The following TMEM38A variants were observed in gnomAD, a reference collection of about 807,000 sequenced individuals.
TMEM38A encodes the protein transmembrane protein 38A.
In TMEM38A, 17 loss-of-function variants were observed where a neutral mutation model predicts 28.6. The ratio of observed to expected loss-of-function variants is 0.60; its 90% confidence interval spans 0.41 to 0.89. The LOEUF (loss-of-function observed/expected upper bound fraction) is 0.89. Among genes scored for constraint, TMEM38A ranks in the 40% least tolerant of loss-of-function variants. The pLI is 0.00. For synonymous variants in TMEM38A, 169 were observed against 166.1 expected (o/e 1.02, Z -0.14); for missense variants, 328 against 393.1 (o/e 0.83, Z 1.40).
chr19:16,669,017 A>T (rs2086715362), intron 1 of TMEM38A, among the ~76,000 whole-genome samples: 1 of 151,460 alleles, frequency 6.6e-6, no homozygotes, highest in Non-Finnish European at 1.5e-5. Context: ...TTTAGTAGAG[A>T]TGGGGTTTCT....
chr19:16,685,409 G>C (rs766395744), intron 4 of TMEM38A, among the ~76,000 whole-genome samples: 1 of 152,030 alleles, frequency 6.6e-6, no homozygotes, highest in Non-Finnish European at 1.5e-5. Flanking sequence ...AAATCAGCAG[G>C]GGCAAAATGT....
In TMEM38A at chr19:16,661,476, T is replaced by G; in HGVS notation, c.124+135T>G. On this transcript the variant is annotated intron_variant, in intron 1 of 5. Coordinates refer to ENST00000187762, the MANE Select transcript of TMEM38A (RefSeq NM_024074.4). This position sits in a 1 kb window ranked among gnomAD's most constrained non-coding sequence, Gnocchi z 6.5. The stretch of plus-strand genomic sequence containing the variant: ...AGGTTCAAGGATTGCATCGTGGGAG[T>G]AGGCAGGCGCTAGAATCGTGGGGTT... 2 of 711,778 alleles carry G rather than the reference T, an allele frequency of 2.8e-6. No homozygotes were observed. Among genetic ancestry groups the G allele is most frequent in the South Asian group, 2.9e-5 (1 of 34,758 alleles). 44.1% of individuals were successfully genotyped at this position (711,778 alleles called of 1,614,324 possible). A position where few individuals can be genotyped will look rare whatever the true frequency, so the allele number is the denominator to read the frequency against.
At chr19:16,672,482 T>C (rs1311190290) in intron 1 of TMEM38A, among the ~76,000 whole-genome samples, 3 of 137,870 alleles carry the variant, frequency 2.2e-5, no homozygotes, top group African/African-American at 9.0e-5. Flanking sequence ...AGAGTCTTGC[T>C]CTGTGGCCCA....
chr19:16,684,513 G>C (rs374602409), intron 4 of TMEM38A, among the ~76,000 whole-genome samples: 2 of 151,842 alleles, frequency 1.3e-5, no homozygotes, highest in East Asian at 1.9e-4. Flanking sequence ...CAGACATCAG[G>C]AATAGAAGTC....
intron 4 of TMEM38A, among the ~76,000 whole-genome samples, chr19:16,684,652 C>T (rs768733295): frequency 1.1e-4 from 16 of 152,152 alleles, no homozygotes; most frequent in Admixed American, 3.3e-4. Context: ...GGGGGATCCC[C>T]AAGATCATCC....
At chr19:16,681,588 A>G (rs1212798392) in intron 3 of TMEM38A, among the ~76,000 whole-genome samples, 1 of 152,136 alleles carries the variant, frequency 6.6e-6, no homozygotes, top group Non-Finnish European at 1.5e-5. Context: ...CCCACCAGAT[A>G]TGGGTACCCA....
At position 16,684,491 on chromosome 19, in the gene TMEM38A, A is replaced by G. The variant is rs1181367708; in HGVS notation, c.555-1797A>G. On this transcript the variant is annotated intron_variant, in intron 4 of 5. Coordinates refer to ENST00000187762, the MANE Select transcript of TMEM38A (RefSeq NM_024074.4). The stretch of plus-strand genomic sequence containing the variant: ...CGAGACCTTGTCTCAAAAAAAAAAA[A>G]GCAATGAGAGACAGACATCAGGAAT... 2.0e-5 allele frequency among the ~76,000 whole-genome samples: 3 copies of G among 152,058 alleles called. No homozygotes were observed. In the East Asian group the frequency reaches 5.8e-4, roughly 29 times the overall value.
chr19:16,674,216 G>A (rs977204843), intron 1 of TMEM38A, among the ~76,000 whole-genome samples: 1 of 151,500 alleles, frequency 6.6e-6, no homozygotes, highest in Non-Finnish European at 1.5e-5. Context: ...GAAACCCCCT[G>A]TCTACTAAAA....
chr19:16,677,733 T>G (rs2086758365), intron 1 of TMEM38A, among the ~76,000 whole-genome samples: 1 of 152,080 alleles, frequency 6.6e-6, no homozygotes, highest in Admixed American at 6.6e-5. Context: ...ATTTTTAAAA[T>G]TTTTTGCAGA....
At chr19:16,680,657 C>G in intron 3 of TMEM38A, 76 bp downstream of exon 3, 1 of 1,483,466 alleles carries the variant, frequency 6.7e-7, no homozygotes, top group Middle Eastern at 2.2e-4. Flanking sequence ...GGCACCCCAG[C>G]TAGGAAAGCC....
chr19:16,679,071 C>T (rs2086766033), intron 1 of TMEM38A, among the ~76,000 whole-genome samples: 1 of 150,788 alleles, frequency 6.6e-6, no homozygotes. Flanking sequence ...ATCGCTTGAA[C>T]CTGGGAGGCA....
rs1226401003 is a variant in TMEM38A, at chr19:16,680,034, A to G, written c.175A>G (p.Met59Val). Residue 59 changes from methionine to valine, a missense_variant, in exon 2 of 6, where the codon ATG becomes GTG. By Grantham distance (21) the Met-to-Val change is conservative. Transcript: ENST00000187762. ...CCCCATCGCGTCCTGGCTGTGCGCCATGCTGCATTGCTTCGGGAGCTACAT... is the reference window on the plus strand; with the variant it reads ...CCCCATCGCGTCCTGGCTGTGCGCCGTGCTGCATTGCTTCGGGAGCTACAT... ...RHPIASWLCA[M>V]LHCFGSYILA... is the part of the protein sequence containing the mutation. 1.2e-6 allele frequency: 2 copies of G among 1,611,108 alleles called. No individual in the cohort carries two copies. Among genetic ancestry groups the G allele is most frequent in the Non-Finnish European group, 1.7e-6 (2 of 1,180,006 alleles).
Position 16,689,514 on chromosome 19 carries a change from G to T in TMEM38A, c.*1143G>T, listed in dbSNP as rs1487200199. On this transcript the variant is annotated 3_prime_UTR_variant, in exon 6 of 6. Transcript: ENST00000187762. ...AAGGCTTGTGATCTGTTCGTCTCAG[G>T]CTCCCCCTAAACCAAAGAAATGGAA... 6.6e-6 allele frequency: 1 copy of T among 152,136 alleles called. No homozygotes were observed. Among genetic ancestry groups the T allele is most frequent in the Non-Finnish European group, 1.5e-5 (1 of 68,046 alleles). The allele number at this position is 152,136 out of a possible 1,614,324, so 9.4% of individuals were successfully genotyped here.
At chr19:16,675,434 A>C (rs954344345) in intron 1 of TMEM38A, among the ~76,000 whole-genome samples, 1 of 151,108 alleles carries the variant, frequency 6.6e-6, no homozygotes. Flanking sequence ...AGATTTCACT[A>C]TGTTCCCAGG....
chr19:16,673,040 G>C (rs1407126490), intron 1 of TMEM38A, among the ~76,000 whole-genome samples: 2 of 151,714 alleles, frequency 1.3e-5, no homozygotes, highest in Non-Finnish European at 2.9e-5. Flanking sequence ...GAAAAACCCT[G>C]ATCAAGGTCT....
Position 16,680,010 on chromosome 19 carries a change from C to G in TMEM38A, c.151C>G (p.Pro51Ala). The G allele has an allele frequency of 1.2e-6, 2 of 1,609,066 alleles. No individual in the cohort carries two copies. The highest frequency in any genetic ancestry group is 1.7e-6 in the Non-Finnish European group (2 of 1,179,926). The change falls in exon 2 of 6, where the codon CCC (proline) becomes GCC (alanine). Residue 51 changes from proline (P) to alanine (A), a missense_variant. Coordinates refer to ENST00000187762, the MANE Select transcript of TMEM38A (RefSeq NM_024074.4). ...AGCAGTCGAACTGTCCCGGCGCCAC[C>G]CCATCGCGTCCTGGCTGTGCGCCAT... ...PGAVELSRRH[P>A]IASWLCAMLH...
chr19:16,677,729 A>T (rs1568315310), intron 1 of TMEM38A, among the ~76,000 whole-genome samples: 1 of 151,978 alleles, frequency 6.6e-6, no homozygotes, highest in Non-Finnish European at 1.5e-5. Flanking sequence ...GCTAATTTTT[A>T]AAATTTTTTG....
rs2086776369 is a variant in TMEM38A at position 16,680,383 on chromosome 19, T to G, written c.282-14T>G. 1 of 1,613,752 alleles carries G rather than the reference T, an allele frequency of 6.2e-7. No individual in the cohort carries two copies. Among genetic ancestry groups the G allele is most frequent in the Admixed American group, 1.7e-5 (1 of 60,000 alleles). ...CTGCCCATCCCCTGGCACTCACTGT[T>G]CTCTCCCCAAAAGGTACTTGATTTT... is the stretch of plus-strand genomic sequence containing the variant. On this transcript the variant is annotated splice_polypyrimidine_tract_variant and intron_variant, in intron 2 of 5. Coordinates refer to ENST00000187762, the MANE Select transcript of TMEM38A (RefSeq NM_024074.4).
At chr19:16,679,791 C>T (rs958783636) in intron 1 of TMEM38A, among the ~76,000 whole-genome samples, 193 bp from the exon 2 acceptor site, 6 of 152,184 alleles carry the variant, frequency 3.9e-5, no homozygotes, top group African/African-American at 7.2e-5. Flanking sequence ...GACTCCCACT[C>T]GGCTCTCTAT....
Sources: allele counts gnomAD v4.1 joint callset (sites outside exome capture counted in the v4.1 genomes callset), GRCh38; gene constraint gnomAD v4.1.1; non-coding constraint Gnocchi (gnomAD v3.1); transcripts MANE v1.5; gene names NCBI Gene and HGNC (gene_info 2026-07-23, HGNC 2026-07-21).